The following NT5DC1 variants were observed in gnomAD, a reference collection of about 807,000 sequenced individuals.
The protein encoded by NT5DC1 is 5'-nucleotidase domain containing 1.
Under a neutral mutation model 59.4 loss-of-function variants are expected in NT5DC1, and 42 were observed. The observed-to-expected ratio is 0.71, with a 90% CI of 0.55 to 0.92. NT5DC1 has a LOEUF of 0.92. NT5DC1 is among the 40% of genes least tolerant of loss of function. NT5DC1 has a pLI of 0.00. For synonymous variants in NT5DC1, 172 were observed against 188.1 expected (o/e 0.91, Z 0.70); for missense variants, 501 against 537.1 (o/e 0.93, Z 0.66).
chr6:116,119,767 TG>T, intron 6 of NT5DC1: 1 of 252,572 alleles, frequency 4.0e-6, no homozygotes, highest in Non-Finnish European at 7.5e-6. Context: ...ATTTTTTTTT[TG>T]TTGTTTGTTT....
At chr6:116,150,753 A>G (rs1780019334) in intron 6 of NT5DC1, among the ~76,000 whole-genome samples, 1 of 152,200 alleles carries the variant, frequency 6.6e-6, no homozygotes, top group African/African-American at 2.4e-5. Flanking sequence ...TGTCTGTCAT[A>G]TAAGGTCGTA....
intron 6 of NT5DC1, among the ~76,000 whole-genome samples, chr6:116,165,907 A>G (rs1278990699): frequency 1.3e-5 from 2 of 152,206 alleles, no homozygotes; most frequent in East Asian, 1.9e-4. Context: ...GTAGCCCACA[A>G]TGAATGCACA....
In NT5DC1 at chr6:116,223,579, G is replaced by A. The variant is rs75034301; in HGVS notation, c.802+448G>A. ...AGACTGATAGGGAGAGAGGTGGAAT[G>A]AAAGGGATTTGCAGATGAAAAAGAA... On this transcript the variant is annotated intron_variant, in intron 8 of 11. Coordinates refer to ENST00000319550, the MANE Select transcript of NT5DC1 (RefSeq NM_152729.3). Among the ~76,000 whole-genome samples the A allele has an allele frequency of 4.2e-3, 638 of 152,312 alleles. 11 individuals are homozygous for A. In the East Asian group the frequency reaches 0.049, roughly 12 times the overall value.
chr6:116,179,539 T>C (rs1041821825), intron 6 of NT5DC1, among the ~76,000 whole-genome samples: 3 of 152,088 alleles, frequency 2.0e-5, no homozygotes, highest in African/African-American at 7.2e-5. Context: ...GACAAAATGC[T>C]CAACGTCACT....
At chr6:116,191,943 C>G (rs1321868417) in intron 6 of NT5DC1, among the ~76,000 whole-genome samples, 2 of 151,968 alleles carry the variant, frequency 1.3e-5, no homozygotes, top group African/African-American at 4.8e-5. Flanking sequence ...CATTGATTGC[C>G]ATGATTTTTT....
intron 10 of NT5DC1, 88 bp from the exon 11 acceptor site, chr6:116,238,867 A>G: frequency 2.4e-6 from 2 of 832,724 alleles, no homozygotes; most frequent in Admixed American, 4.6e-5. Flanking sequence ...ACAGGGTTTC[A>G]AAGTTTTTAT....
chr6:116,156,593 T>C (rs1272385984), intron 6 of NT5DC1, among the ~76,000 whole-genome samples: 9 of 152,184 alleles, frequency 5.9e-5, no homozygotes, highest in African/African-American at 2.2e-4. Context: ...CATAAGGAAG[T>C]CTTCGTGGAG....
Position 116,246,138 on chromosome 6 carries a change from T to C in NT5DC1, c.*2114T>C, listed in dbSNP as rs1771842555. On this transcript the variant is annotated 3_prime_UTR_variant, in exon 12 of 12. Coordinates refer to ENST00000319550, the MANE Select transcript of NT5DC1 (RefSeq NM_152729.3). The stretch of plus-strand genomic sequence containing the variant: ...TAAAAAGAAAATATTAAAGAAGTTA[T>C]ATGAAGCAAAAAAATTGTATAAATG... 1 of 152,126 alleles carries C rather than the reference T, an allele frequency of 6.6e-6. No homozygotes were observed. The highest frequency in any genetic ancestry group is 2.4e-5 in the African/African-American group (1 of 41,436). The allele number at this position is 152,126 out of a possible 1,614,324, so 9.4% of individuals were successfully genotyped here. A position where few individuals can be genotyped will look rare whatever the true frequency, so the allele number is the denominator to read the frequency against.
chr6:116,196,373 A>G (rs1037997060), intron 6 of NT5DC1, among the ~76,000 whole-genome samples: 7 of 152,068 alleles, frequency 4.6e-5, no homozygotes, highest in African/African-American at 1.7e-4. Flanking sequence ...AATGGGAAAG[A>G]GTTCAGTTAA....
intron 4 of NT5DC1, among the ~76,000 whole-genome samples, chr6:116,115,445 G>T (rs1229817466): frequency 6.6e-6 from 1 of 152,042 alleles, no homozygotes; most frequent in Admixed American, 6.6e-5. Context: ...TCTTTAAGAT[G>T]ACTAAAATAT....
At chr6:116,123,724 C>CT (rs1779206591) in intron 6 of NT5DC1, among the ~76,000 whole-genome samples, 1 of 152,160 alleles carries the variant, frequency 6.6e-6, no homozygotes, top group Non-Finnish European at 1.5e-5. Flanking sequence ...AGTTGAGTGT[C>CT]TATCTAAAAA....
intron 6 of NT5DC1, among the ~76,000 whole-genome samples, chr6:116,173,917 C>T: frequency 6.6e-6 from 1 of 152,128 alleles, no homozygotes; most frequent in East Asian, 1.9e-4. Context: ...CCCATAATCC[C>T]ATTCAGGATA....
chr6:116,214,986 A>G (rs546945225), intron 6 of NT5DC1, among the ~76,000 whole-genome samples: 3 of 152,210 alleles, frequency 2.0e-5, no homozygotes, highest in East Asian at 3.9e-4. Context: ...GGTGGGGGGC[A>G]TAGGAATTGT....
chr6:116,193,905 A>C (rs550384070), intron 6 of NT5DC1, among the ~76,000 whole-genome samples: 1 of 151,936 alleles, frequency 6.6e-6, no homozygotes, highest in Admixed American at 6.6e-5. Flanking sequence ...AAATACAAAA[A>C]ATACAGAAAG....
chr6:116,202,596 T>C (rs1308033274), intron 6 of NT5DC1, among the ~76,000 whole-genome samples: 1 of 151,994 alleles, frequency 6.6e-6, no homozygotes, highest in African/African-American at 2.4e-5. Flanking sequence ...CAAAGTTCAG[T>C]GACACTAAGT....
chr6:116,102,263 A>G (rs1260393765), intron 1 of NT5DC1, among the ~76,000 whole-genome samples: 2 of 152,228 alleles, frequency 1.3e-5, no homozygotes, highest in Non-Finnish European at 2.9e-5. Flanking sequence ...GTTAAAGGTC[A>G]AAAAAGAGTG....
chr6:116,127,154 T>C (rs781449667), intron 6 of NT5DC1, among the ~76,000 whole-genome samples: 9 of 152,204 alleles, frequency 5.9e-5, no homozygotes, highest in Non-Finnish European at 1.3e-4. Flanking sequence ...ATCATTTTTC[T>C]ACCTCCACAG....
At chr6:116,121,425 G>A (rs1347571481) in intron 6 of NT5DC1, 1 of 1,614,076 alleles carries the variant, frequency 6.2e-7, no homozygotes, top group South Asian at 1.1e-5. Context: ...TTGATGCCTG[G>A]CTGTCCTGGA....
At chr6:116,174,455 C>A (rs1780687981) in intron 6 of NT5DC1, among the ~76,000 whole-genome samples, 1 of 152,154 alleles carries the variant, frequency 6.6e-6, no homozygotes, top group African/African-American at 2.4e-5. Context: ...AATGAAATAA[C>A]CAACTTAAAT....
Sources: allele counts gnomAD v4.1 joint callset (sites outside exome capture counted in the v4.1 genomes callset), GRCh38; gene constraint gnomAD v4.1.1; transcripts MANE v1.5; gene names NCBI Gene and HGNC (gene_info 2026-07-23, HGNC 2026-07-21).